Variants in ICE2 observed in about 807,000 individuals in gnomAD.
The protein encoded by ICE2 is little elongation complex subunit 2.
In ICE2, 87 loss-of-function variants were observed where a neutral mutation model predicts 105.4. The observed-to-expected ratio is 0.83, with a 90% CI of 0.69 to 0.99. The LOEUF is 0.99. Ranked by LOEUF, ICE2 falls within the 50% of genes least tolerant of loss-of-function variation. ICE2 has a pLI of 0.00. For synonymous variants in ICE2, 399 were observed against 392.0 expected, an observed-to-expected ratio of 1.02 and a Z score of -0.21; for missense variants, 1,323 against 1,146.7, an observed-to-expected ratio of 1.15 and a Z score of -2.22.
At position 60,464,302 on chromosome 15, in the gene ICE2, G is replaced by A. The variant is rs1362335371; in HGVS notation, c.528+2292C>T. ...ACATTGAGCACCTGAGCACTTAAGC[G>A]TGCCATACACTGTTCTAGTCATTGG... On this transcript the variant is annotated intron_variant, in intron 5 of 15. Transcript: ENST00000261520. Among the ~76,000 whole-genome samples the A allele has an allele frequency of 5.3e-5, 8 of 152,128 alleles. No homozygotes were observed. The South Asian group carries it at 8.3e-4, about 16-fold the overall frequency.
intron 3 of ICE2, among the ~76,000 whole-genome samples, chr15:60,472,633 G>C (rs1032067559): frequency 2.0e-5 from 3 of 152,072 alleles, no homozygotes; most frequent in Non-Finnish European, 4.4e-5. Flanking sequence ...CTTTTTCCTT[G>C]TACAAAGCCA....
Position 60,479,083 on chromosome 15 carries a change from C to T in ICE2, c.-173G>A. On this transcript the variant is annotated 5_prime_UTR_variant, in exon 1 of 16. Coordinates refer to ENST00000261520, the MANE Select transcript of ICE2 (RefSeq NM_024611.6). ...ACCCCACTCCTCACATTGTCGCGCGCGCCCAAAAAAGACCATATTTAAAGG... is the reference window on the plus strand; with the variant it reads ...ACCCCACTCCTCACATTGTCGCGCGTGCCCAAAAAAGACCATATTTAAAGG... 2 of 449,198 alleles carry T rather than the reference C, an allele frequency of 4.5e-6. No homozygotes were observed. Among genetic ancestry groups the T allele is most frequent in the Admixed American group, 2.4e-5 (1 of 42,186 alleles). The allele number at this position is 449,198 out of a possible 1,614,324, so 27.8% of individuals were successfully genotyped here.
intron 13 of ICE2, among the ~76,000 whole-genome samples, chr15:60,433,492 CTTTA>C (rs1233927581): frequency 6.6e-6 from 1 of 151,522 alleles, no homozygotes; most frequent in Non-Finnish European, 1.5e-5. Flanking sequence ...CCCTCCCTCT[CTTTA>C]TTTTTATTTT....
intron 14 of ICE2, among the ~76,000 whole-genome samples, chr15:60,430,230 G>A (rs975900573): frequency 2.0e-5 from 3 of 152,138 alleles, no homozygotes; most frequent in East Asian, 1.9e-4. Flanking sequence ...AGAGAGATGC[G>A]ACTTAACTTG....
chr15:60,438,485 A>G (rs531351422), intron 12 of ICE2: 19 of 152,320 alleles, frequency 1.2e-4, no homozygotes, highest in African/African-American at 4.3e-4. Flanking sequence ...TGTAACACTC[A>G]TTACACAGTG....
chr15:60,426,328 C>T (rs112427281), intron 15 of ICE2, among the ~76,000 whole-genome samples: 2 of 152,228 alleles, frequency 1.3e-5, no homozygotes, highest in Admixed American at 6.5e-5. Flanking sequence ...TGTATTACAA[C>T]GGCATACAGT....
intron 14 of ICE2, among the ~76,000 whole-genome samples, chr15:60,429,430 T>C (rs1311634249): frequency 1.3e-5 from 2 of 152,182 alleles, no homozygotes; most frequent in Non-Finnish European, 2.9e-5. Context: ...TTAATCACGA[T>C]CCTCTACTGT....
At chr15:60,447,041 G>T (rs920679539) in intron 11 of ICE2, among the ~76,000 whole-genome samples, 4 of 151,980 alleles carry the variant, frequency 2.6e-5, no homozygotes, top group East Asian at 1.9e-4. Context: ...ATCTGAAAGA[G>T]AATTTCAAAT....
chr15:60,469,822 A>C (rs2064538409), intron 3 of ICE2, among the ~76,000 whole-genome samples: 1 of 152,224 alleles, frequency 6.6e-6, no homozygotes, highest in Non-Finnish European at 1.5e-5. Context: ...CCCTGCTTTT[A>C]AGAAGTCACC....
chr15:60,469,705 G>A (rs1038386251), intron 3 of ICE2, among the ~76,000 whole-genome samples: 1 of 151,934 alleles, frequency 6.6e-6, no homozygotes, highest in Admixed American at 6.6e-5. Flanking sequence ...CCCTGAATAC[G>A]CACATAGTTT....
chr15:60,435,198 A>G (rs1473114662), intron 13 of ICE2, among the ~76,000 whole-genome samples: 1 of 150,778 alleles, frequency 6.6e-6, no homozygotes, highest in Non-Finnish European at 1.5e-5. Flanking sequence ...GGAGAATGGC[A>G]TGAACCCGGG....
rs151104458 is a variant in ICE2 at position 60,436,423 on chromosome 15, A to G, written c.2426-196T>C. Among the ~76,000 whole-genome samples, 15 of 152,016 alleles carry G rather than the reference A, an allele frequency of 9.9e-5. No individual in the cohort carries two copies. In the East Asian group the frequency reaches 2.9e-3, roughly 29 times the overall value. On this transcript the variant is annotated intron_variant, in intron 12 of 15. Coordinates refer to ENST00000261520, the MANE Select transcript of ICE2 (RefSeq NM_024611.6). Reference sequence around the variant, plus strand: ...TTAAAATAACATAATTCAGATTATAAAACATTTATATTCATTCTAAAATAT... The same window carrying G: ...TTAAAATAACATAATTCAGATTATAGAACATTTATATTCATTCTAAAATAT...
At chr15:60,443,821 CA>C (rs1032083123) in intron 11 of ICE2, among the ~76,000 whole-genome samples, 100 of 152,150 alleles carry the variant, frequency 6.6e-4, no homozygotes, top group African/African-American at 2.2e-3. Context: ...AGGCTGGGTG[CA>C]GTGGCTCATG....
At chr15:60,474,494 C>T (rs1019598418) in intron 3 of ICE2, among the ~76,000 whole-genome samples, 1 of 152,044 alleles carries the variant, frequency 6.6e-6, no homozygotes. Context: ...AGCTATAGGC[C>T]GTGCATGGTG....
chr15:60,468,183 G>T lies in ICE2; in HGVS notation c.286C>A (p.Arg96Ser). ...TCTCTCTGTGAGAAACGAGAGAAAC[G>T]AGGATAAGGAACTCTTGGTTTTGGA... ...LLPKPRVPYPRFSRFSQREQR... is the reference protein window; with the variant it reads ...LLPKPRVPYPSFSRFSQREQR... Residue 96 changes from arginine (R) to serine (S), a missense_variant, in exon 4 of 16, where the codon CGT becomes AGT. Arg to Ser is a moderately radical substitution (Grantham distance 110). Transcript: ENST00000261520. The T allele has an allele frequency of 6.2e-7, 1 of 1,614,062 alleles. No homozygotes were observed. Among genetic ancestry groups the T allele is most frequent in the Middle Eastern group, 1.7e-4 (1 of 6,058 alleles).
chr15:60,460,594 A>C (rs889299686), intron 5 of ICE2, among the ~76,000 whole-genome samples: 1 of 152,184 alleles, frequency 6.6e-6, no homozygotes, highest in Non-Finnish European at 1.5e-5. Flanking sequence ...GAGTTTCTCA[A>C]CGTTGGCATT....
intron 15 of ICE2, among the ~76,000 whole-genome samples, chr15:60,425,685 G>A (rs1266856973): frequency 2.0e-5 from 3 of 152,162 alleles, no homozygotes; most frequent in Non-Finnish European, 4.4e-5. Flanking sequence ...TCACATTAGA[G>A]GCAGAAACGT....
chr15:60,446,854 C>T (rs9630426), intron 11 of ICE2, among the ~76,000 whole-genome samples: 24,036 of 152,094 alleles, frequency 0.16, 2,089 homozygotes, highest in Middle Eastern at 0.32. Context: ...TAACAAGAGA[C>T]AGAGACACCA....
chr15:60,429,629 G>GA, intron 14 of ICE2, among the ~76,000 whole-genome samples: 1 of 152,158 alleles, frequency 6.6e-6, no homozygotes, highest in East Asian at 1.9e-4. Context: ...AATATATTAT[G>GA]AAAAAATAAA....
Sources: gnomAD v4.1 joint callset for allele counts (sites outside exome capture counted in the v4.1 genomes callset) on GRCh38, gnomAD v4.1.1 for gene constraint, MANE v1.5 for transcripts, NCBI Gene and HGNC (gene_info 2026-07-23, HGNC 2026-07-21) for gene names.